Variants in SARNP observed in about 807,000 individuals in gnomAD.
SARNP encodes SAP domain-containing ribonucleoprotein.
A neutral mutation model predicts 38.1 loss-of-function variants in SARNP; 5 were observed. The ratio of observed to expected loss-of-function variants is 0.13; its 90% CI spans 0.07 to 0.28. The LOEUF is 0.28. Ranked by LOEUF, SARNP falls within the 10% of genes least tolerant of loss-of-function variation. SARNP has a pLI of 1.00. For missense variants in SARNP, 180 were observed against 243.9 expected, an observed-to-expected ratio of 0.74 and a Z score of 1.75; for synonymous variants, 84 against 80.6, an observed-to-expected ratio of 1.04 and a Z score of -0.23.
intron 1 of SARNP, among the ~76,000 whole-genome samples, chr12:55,806,174 G>T (rs184490401): frequency 6.6e-6 from 1 of 152,012 alleles, no homozygotes; most frequent in East Asian, 1.9e-4. Context: ...AACCTTATGT[G>T]AATAACTTCA....
intron 7 of SARNP, 151 bp downstream of exon 7, chr12:55,794,208 A>G (rs1879754510): frequency 2.8e-6 from 2 of 719,832 alleles, no homozygotes; most frequent in Non-Finnish European, 4.8e-6. Context: ...GCCTAAGTAT[A>G]ATTTTACCTA....
At chr12:55,778,653 G>A (rs1391373320) in intron 9 of SARNP, among the ~76,000 whole-genome samples, 1 of 152,102 alleles carries the variant, frequency 6.6e-6, no homozygotes, top group African/African-American at 2.4e-5. Flanking sequence ...GTAAAGGAGT[G>A]GTTAAATATT....
chr12:55,777,933 A>T (rs982042839), intron 9 of SARNP, among the ~76,000 whole-genome samples: 1 of 152,220 alleles, frequency 6.6e-6, no homozygotes, highest in African/African-American at 2.4e-5. Context: ...CAAGTTGTTC[A>T]ACAGCAGTTG....
chr12:55,792,607 C>T (rs1879707380), intron 7 of SARNP: 1 of 132,260 alleles, frequency 7.6e-6, no homozygotes, highest in Admixed American at 9.3e-5. Context: ...TGGTCTCAAA[C>T]TCCTGACCTT....
Position 55,794,356 on chromosome 12 carries a change from T to TA in SARNP, c.406+2dup. 1 of 1,608,098 alleles carries TA rather than the reference T, an allele frequency of 6.2e-7. No homozygotes were observed. The highest frequency in any genetic ancestry group is 2.2e-5 in the East Asian group (1 of 44,830). ...TTTCTCAGAAGTATCTCTGTACTCT[T>TA]ACCTTTTGTTGGAACTGAAGAAATC... On this transcript the variant is annotated splice_region_variant and intron_variant, in intron 7 of 10. Coordinates refer to ENST00000336133, the MANE Select transcript of SARNP (RefSeq NM_033082.4).
At chr12:55,769,907 T>C (rs1486361426) in intron 9 of SARNP, among the ~76,000 whole-genome samples, 1 of 152,210 alleles carries the variant, frequency 6.6e-6, no homozygotes, top group Non-Finnish European at 1.5e-5. Flanking sequence ...GTTAGGTGTA[T>C]TAAATGCACT....
chr12:55,753,967 T>C (rs1426305279), downstream of SARNP: 1 of 151,874 alleles, frequency 6.6e-6, no homozygotes. Context: ...CTAAAAATAA[T>C]TAAAGTAAAA....
intron 9 of SARNP, among the ~76,000 whole-genome samples, chr12:55,774,978 C>T (rs1338455771): frequency 6.7e-6 from 1 of 150,358 alleles, no homozygotes; most frequent in Admixed American, 6.6e-5. Context: ...CCTCCACCTC[C>T]CAGGTTTAAG....
At chr12:55,784,777 C>T (rs2136191575) in intron 9 of SARNP, among the ~76,000 whole-genome samples, 1 of 152,262 alleles carries the variant, frequency 6.6e-6, no homozygotes, top group South Asian at 2.1e-4. Context: ...GACAGCAAAA[C>T]ATCAGCATTT....
chr12:55,780,722 G>A (rs2136189375), intron 9 of SARNP, among the ~76,000 whole-genome samples: 1 of 152,164 alleles, frequency 6.6e-6, no homozygotes, highest in East Asian at 1.9e-4. Context: ...TGTGCATTAG[G>A]GCCAATATTA....
chr12:55,775,356 T>TC (rs1879147103), intron 9 of SARNP, among the ~76,000 whole-genome samples: 1 of 106,700 alleles, frequency 9.4e-6, no homozygotes, highest in Non-Finnish European at 1.9e-5. Flanking sequence ...AGTCAGGAGT[T>TC]CGAGACCAGC....
chr12:55,776,035 T>A (rs1879171839), intron 9 of SARNP, among the ~76,000 whole-genome samples: 1 of 152,130 alleles, frequency 6.6e-6, no homozygotes, highest in African/African-American at 2.4e-5. Context: ...TTTCCTCCCA[T>A]ACAGACTCTG....
At chr12:55,780,300 A>C (rs550657935) in intron 9 of SARNP, among the ~76,000 whole-genome samples, 1 of 152,152 alleles carries the variant, frequency 6.6e-6, no homozygotes, top group South Asian at 2.1e-4. Flanking sequence ...AAAACACACA[A>C]AAAATTAGCC....
chr12:55,790,410 A>G (rs1339080549), intron 8 of SARNP, among the ~76,000 whole-genome samples, 157 bp downstream of exon 8: 1 of 152,206 alleles, frequency 6.6e-6, no homozygotes, highest in East Asian at 1.9e-4. Flanking sequence ...CAGTATCTCC[A>G]ACAATTTTTT....
At chr12:55,776,366 A>G (rs1879181484) in intron 9 of SARNP, among the ~76,000 whole-genome samples, 1 of 152,108 alleles carries the variant, frequency 6.6e-6, no homozygotes, top group African/African-American at 2.4e-5. Context: ...TAGGAGGTGG[A>G]GGCTGCAGTG....
At chr12:55,794,683 T>G (rs907561648) in intron 6 of SARNP, 124 bp downstream of exon 6, 2 of 667,862 alleles carry the variant, frequency 3.0e-6, no homozygotes, top group African/African-American at 3.7e-5. Flanking sequence ...GTCAAAAAAG[T>G]GTTCATATCC....
At chr12:55,794,039 C>T (rs1001360346) in intron 7 of SARNP, 2 of 330,368 alleles carry the variant, frequency 6.1e-6, no homozygotes, top group South Asian at 3.0e-5. Context: ...GCCAGTATAA[C>T]ACTAGATAGT....
At chr12:55,813,169 C>T (rs1283447195) in intron 1 of SARNP, among the ~76,000 whole-genome samples, 2 of 152,176 alleles carry the variant, frequency 1.3e-5, no homozygotes, top group Non-Finnish European at 2.9e-5. Context: ...TGGTCTCAAA[C>T]TCCTGACCTC....
At chr12:55,817,626 C>G (rs757621452) in intron 1 of SARNP, 40 bp downstream of exon 1, 25 of 1,596,174 alleles carry the variant, frequency 1.6e-5, no homozygotes, top group Middle Eastern at 1.7e-4. Context: ...AATTCAGTTC[C>G]TAGAAAAGTC....
Sources: gnomAD v4.1 joint callset for allele counts (sites outside exome capture counted in the v4.1 genomes callset) on GRCh38, gnomAD v4.1.1 for gene constraint, MANE v1.5 for transcripts, NCBI Gene and HGNC (gene_info 2026-07-23, HGNC 2026-07-21) for gene names.